The following CYP46A1 variants were observed in gnomAD, a reference collection of about 807,000 sequenced individuals.
The protein encoded by CYP46A1 is cytochrome P450 family 46 subfamily A member 1, also known as cholesterol 24-hydroxylase.
In CYP46A1, 20 loss-of-function variants were observed where a neutral mutation model predicts 63.3. That is an observed-to-expected ratio of 0.32 (90% CI 0.22 to 0.46). The LOEUF is 0.46. CYP46A1 is among the 20% of genes least tolerant of loss of function. The pLI, the probability that CYP46A1 is intolerant of heterozygous loss-of-function variation, is 1.00. For synonymous variants in CYP46A1, 268 were observed against 273.6 expected, an observed-to-expected ratio of 0.98 and a Z score of 0.20; for missense variants, 445 against 670.8, an observed-to-expected ratio of 0.66 and a Z score of 3.72.
intron 9 of CYP46A1, 147 bp from the exon 10 acceptor site, chr14:99,717,907 A>G (rs1025351694): frequency 5.0e-6 from 3 of 603,830 alleles, no homozygotes; most frequent in Non-Finnish European, 8.7e-6. Context: ...GACCTAGACG[A>G]TGGTTCAAGG....
intron 5 of CYP46A1, among the ~76,000 whole-genome samples, chr14:99,705,057 C>T (rs139817443): frequency 8.9e-4 from 135 of 152,318 alleles, no homozygotes; most frequent in African/African-American, 3.1e-3. Context: ...TTTTCATCCC[C>T]CTCCTAAGAG....
In CYP46A1 at chr14:99,694,801, A is replaced by G. The variant is rs146351826; in HGVS notation, c.282+2940A>G. 6.3e-3 allele frequency among the ~76,000 whole-genome samples: 951 copies of G among 152,134 alleles called. 6 individuals carry two copies. The highest frequency in any genetic ancestry group is 0.021 in the African/African-American group (888 of 41,540). On this transcript the variant is annotated intron_variant, in intron 3 of 14. Coordinates refer to ENST00000261835, the MANE Select transcript of CYP46A1 (RefSeq NM_006668.2). ...CAGGCGTGAGCCACCACCCCCAGCC[A>G]ATTTCTCCTCTTTCTTATTTCCTTT...
chr14:99,703,074 GTC>G (rs1319739066), intron 5 of CYP46A1, among the ~76,000 whole-genome samples: 1 of 152,158 alleles, frequency 6.6e-6, no homozygotes, highest in Non-Finnish European at 1.5e-5. Flanking sequence ...TTTGTCAGCT[GTC>G]TCTCTGCACT....
At chr14:99,723,860 G>A (rs1217961755) in intron 12 of CYP46A1, among the ~76,000 whole-genome samples, 1 of 152,204 alleles carries the variant, frequency 6.6e-6, no homozygotes, top group Non-Finnish European at 1.5e-5. Flanking sequence ...GATTTTGTGT[G>A]TAGTTTCAAG....
At chr14:99,705,809 C>T (rs1363829107) in intron 5 of CYP46A1, among the ~76,000 whole-genome samples, 1 of 152,180 alleles carries the variant, frequency 6.6e-6, no homozygotes, top group Admixed American at 6.5e-5. Context: ...CCTGTAATCC[C>T]AGCTACTCGG....
At chr14:99,693,583 G>A (rs2056561647) in intron 3 of CYP46A1, 1 of 152,116 alleles carries the variant, frequency 6.6e-6, no homozygotes, top group African/African-American at 2.4e-5. Context: ...TTCTTGTAAT[G>A]TCTTTGACTG....
chr14:99,715,487 G>A (rs1430250134), intron 7 of CYP46A1, among the ~76,000 whole-genome samples: 1 of 152,074 alleles, frequency 6.6e-6, no homozygotes, highest in Admixed American at 6.5e-5. Flanking sequence ...ACTTCCCACT[G>A]CTTGGGATTT....
chr14:99,687,513 G>A (rs557754674), intron 1 of CYP46A1, among the ~76,000 whole-genome samples: 12 of 152,210 alleles, frequency 7.9e-5, no homozygotes, highest in South Asian at 6.2e-4. Context: ...CTGAGCACTC[G>A]CCACCCTGCC....
At chr14:99,698,449 C>T (rs2056603912) in intron 3 of CYP46A1, among the ~76,000 whole-genome samples, 1 of 152,190 alleles carries the variant, frequency 6.6e-6, no homozygotes, top group South Asian at 2.1e-4. Context: ...ATAAAAACAA[C>T]ACCCGCAGCC....
chr14:99,696,871 G>T (rs2056591068), intron 3 of CYP46A1, among the ~76,000 whole-genome samples: 1 of 152,220 alleles, frequency 6.6e-6, no homozygotes, highest in Non-Finnish European at 1.5e-5. Context: ...ATTCTGAGAT[G>T]ATAAAGTTAC....
intron 7 of CYP46A1, chr14:99,711,048 C>T (rs540493566): frequency 6.6e-6 from 1 of 152,022 alleles, no homozygotes; most frequent in African/African-American, 2.4e-5. Flanking sequence ...ACAATATACT[C>T]CTGAATGACC....
intron 12 of CYP46A1, among the ~76,000 whole-genome samples, chr14:99,724,682 G>C (rs2056879171): frequency 6.6e-6 from 1 of 152,166 alleles, no homozygotes; most frequent in Non-Finnish European, 1.5e-5. Flanking sequence ...ACAATCCCCG[G>C]CACATCTTAG....
intron 10 of CYP46A1, among the ~76,000 whole-genome samples, chr14:99,720,459 C>CTTTT (rs34168201): frequency 9.4e-5 from 12 of 127,382 alleles, no homozygotes; most frequent in East Asian, 4.7e-4. Flanking sequence ...CAGATCCACT[C>CTTTT]TTTTTTTTTT....
intron 11 of CYP46A1, among the ~76,000 whole-genome samples, chr14:99,721,739 G>A (rs1475500020): frequency 6.6e-6 from 1 of 152,044 alleles, no homozygotes; most frequent in African/African-American, 2.4e-5. Context: ...CTCTGCCATT[G>A]TGGCCTTGCA....
At chr14:99,721,870 G>C in intron 11 of CYP46A1, 86 bp from the exon 12 acceptor site, 1 of 1,113,018 alleles carries the variant, frequency 9.0e-7, no homozygotes, top group Non-Finnish European at 1.3e-6. Flanking sequence ...GGGTGGGAAA[G>C]ACAGGGGTCC....
In CYP46A1 at chr14:99,727,039, T is replaced by G; in HGVS notation, c.*312T>G. The G allele has an allele frequency of 3.0e-6, 1 of 328,752 alleles. No individual in the cohort carries two copies. The highest frequency in any genetic ancestry group is 4.6e-5 in the East Asian group (1 of 21,596). The allele number at this position is 328,752 out of a possible 1,614,324, so 20.4% of individuals were successfully genotyped here. A position where few individuals can be genotyped will look rare whatever the true frequency, so the allele number is the denominator to read the frequency against. On this transcript the variant is annotated 3_prime_UTR_variant, in exon 15 of 15. Coordinates refer to ENST00000261835, the MANE Select transcript of CYP46A1 (RefSeq NM_006668.2). The stretch of plus-strand genomic sequence containing the variant: ...CTCTTGCTCACTCCCTAAAGCCCTC[T>G]TCAGGGGTCACCTCCTCCAAGAAGC...
chr14:99,687,072 G>T (rs374940624), intron 1 of CYP46A1, among the ~76,000 whole-genome samples: 340 of 152,208 alleles, frequency 2.2e-3, no homozygotes, highest in Non-Finnish European at 3.9e-3. Flanking sequence ...GAACCCTCTC[G>T]CTGCAAGAGG....
At chr14:99,715,290 T>G (rs143640196) in intron 7 of CYP46A1, among the ~76,000 whole-genome samples, 8 of 152,266 alleles carry the variant, frequency 5.3e-5, no homozygotes, top group African/African-American at 1.4e-4. Context: ...TTAAAATATA[T>G]AGATTTTTAA....
chr14:99,685,098 A>C (rs28406736), intron 1 of CYP46A1, among the ~76,000 whole-genome samples: 2,549 of 5,082 alleles, frequency 0.5, 316 homozygotes, highest in East Asian at 0.61. Context: ...ACCCCCCCCC[A>C]CCCCCAGCTT....
Sources: allele counts gnomAD v4.1 joint callset (sites outside exome capture counted in the v4.1 genomes callset), GRCh38; gene constraint gnomAD v4.1.1; transcripts MANE v1.5; gene names NCBI Gene and HGNC (gene_info 2026-07-23, HGNC 2026-07-21).